The following CELF2 variants were observed in gnomAD, a reference collection of about 807,000 sequenced individuals.
The protein encoded by CELF2 is CUG triplet repeat RNA-binding protein 2.
A neutral mutation model predicts 62.6 loss-of-function variants in CELF2; 8 were observed. That is an observed-to-expected ratio of 0.13 (90% confidence interval 0.07 to 0.23). The LOEUF (loss-of-function observed/expected upper bound fraction) is 0.23, where lower values mean the gene tolerates loss of function less well. CELF2 is among the 10% of genes least tolerant of loss of function. The probability of loss-of-function intolerance (pLI) is 1.00; values close to 1 mark genes in which losing one functional copy is unlikely to be tolerated. For missense variants in CELF2, 333 were observed against 671.0 expected (o/e 0.50, Z 5.56); for synonymous variants, 258 against 250.0 (o/e 1.03, Z -0.30).
At chr10:10,545,027 A>T in the CELF2 span, among the ~76,000 whole-genome samples, 3 of 152,270 alleles carry the variant, frequency 2.0e-5, no homozygotes, top group Non-Finnish European at 4.4e-5. Context: ...ACTGTAATAC[A>T]CACCTCTCAG....
At chr10:11,209,567 C>CTTT (rs113589265) in intron 2 of CELF2, among the ~76,000 whole-genome samples, 14 of 135,040 alleles carry the variant, frequency 1.0e-4, no homozygotes, top group East Asian at 2.1e-4. Context: ...AAGGACTACT[C>CTTT]TTTTTTTTTT....
rs2062745919 is a variant in CELF2 at position 11,214,411 on chromosome 10, T to C, written c.272-3014T>C. Among the ~76,000 whole-genome samples, 1 of 152,178 alleles carries C rather than the reference T, an allele frequency of 6.6e-6. No individual in the cohort carries two copies. Among genetic ancestry groups the C allele is most frequent in the Non-Finnish European group, 1.5e-5 (1 of 68,026 alleles). Reference sequence around the variant, plus strand: ...AAGCCTCTGGGGTTAGTATTCCCAGTCTCCTTGTCTGCCCAGGACCCCACA... The same window carrying C: ...AAGCCTCTGGGGTTAGTATTCCCAGCCTCCTTGTCTGCCCAGGACCCCACA... On this transcript the variant is annotated intron_variant, in intron 2 of 12. Coordinates refer to ENST00000633077, the MANE Select transcript of CELF2 (RefSeq NM_001326342.2). The surrounding 1 kb of genome is among the most constrained non-coding windows in gnomAD (Gnocchi z 4.2).
intron 2 of CELF2, among the ~76,000 whole-genome samples, chr10:11,204,958 C>T (rs2399665): frequency 0.97 from 147,397 of 152,320 alleles, 71,495 homozygotes; most frequent in Middle Eastern, 1. Context: ...GGTTTTATTT[C>T]AAATAACAAA....
In CELF2 at chr10:11,306,155, C is replaced by T. The variant is rs556299724; in HGVS notation, c.977-7984C>T. On this transcript the variant is annotated intron_variant, in intron 9 of 12. Transcript: ENST00000633077. The surrounding 1 kb of genome is among the most constrained non-coding windows in gnomAD (Gnocchi z 4.4). ...AAGGTGAGGTGCACTTTGCAGCCTC[C>T]GTCTGGGATCCTCTTGGCTTTGTTC... is the stretch of plus-strand genomic sequence containing the variant. 1.0e-3 allele frequency among the ~76,000 whole-genome samples: 153 copies of T among 152,080 alleles called. No individual in the cohort carries two copies. Among genetic ancestry groups the T allele is most frequent in the Non-Finnish European group, 1.7e-3 (116 of 68,002 alleles).
chr10:10,627,200 A>G, the CELF2 span, among the ~76,000 whole-genome samples: 1 of 152,202 alleles, frequency 6.6e-6, no homozygotes. Context: ...ACAGGAGTTT[A>G]TATCTCAGAC....
At chr10:11,017,851 G>A, upstream of CELF2, 2 of 684,604 alleles carry the variant, frequency 2.9e-6, no homozygotes, top group Non-Finnish European at 3.6e-6. The surrounding 1 kb of genome is among the most constrained non-coding windows in gnomAD (Gnocchi z 5.5). Flanking sequence ...GTTAAGCGGC[G>A]GCGGGCGCCC....
chr10:10,482,393 C>T, the CELF2 span, among the ~76,000 whole-genome samples: 1 of 152,180 alleles, frequency 6.6e-6, no homozygotes, highest in East Asian at 1.9e-4. Flanking sequence ...GCTTTTATAG[C>T]ATTAATGTTC....
intron 1 of CELF2, among the ~76,000 whole-genome samples, chr10:10,833,423 G>A (rs1481978087): frequency 6.6e-6 from 1 of 152,198 alleles, no homozygotes; most frequent in Non-Finnish European, 1.5e-5. Context: ...GTACAGAGAA[G>A]CTGTCCAATA....
rs3841463 is a variant in CELF2 at position 11,332,920 on chromosome 10, GTCTC to G, written c.*3873_*3876del. Reference sequence around the variant, plus strand: ...CTTAATAACAACACTTATTGCACCTGTCTCTCTCTGAGAACACGGTGTGTCTCGA... The same window carrying G: ...CTTAATAACAACACTTATTGCACCTGTCTCTGAGAACACGGTGTGTCTCGA... On this transcript the variant is annotated 3_prime_UTR_variant, in exon 13 of 13. Coordinates refer to ENST00000633077, the MANE Select transcript of CELF2 (RefSeq NM_001326342.2). The G allele has an allele frequency of 2.4e-4, 37 of 152,718 alleles. No homozygotes were observed. The highest frequency in any genetic ancestry group is 6.5e-4 in the African/African-American group (27 of 41,552). The allele number at this position is 152,718 out of a possible 1,614,324, so 9.5% of individuals were successfully genotyped here. A position where few individuals can be genotyped will look rare whatever the true frequency, so the allele number is the denominator to read the frequency against.
At chr10:10,787,852 T>C in the CELF2 span, among the ~76,000 whole-genome samples, 1 of 152,174 alleles carries the variant, frequency 6.6e-6, no homozygotes, top group African/African-American at 2.4e-5. Context: ...GTCCCAGAGA[T>C]GGCATGGCAG....
the CELF2 span, among the ~76,000 whole-genome samples, chr10:10,678,309 C>G: frequency 2.0e-5 from 3 of 151,784 alleles, no homozygotes; most frequent in African/African-American, 7.3e-5. Context: ...CTTACTGTGA[C>G]CGTATTACAG....
At chr10:11,104,482 GGA>G (rs1431604108) in intron 1 of CELF2, among the ~76,000 whole-genome samples, 1 of 152,126 alleles carries the variant, frequency 6.6e-6, no homozygotes, top group African/African-American at 2.4e-5. Flanking sequence ...CATGAGGCCA[GGA>G]GCTCAAGACC....
chr10:11,313,267 T>A (rs1226315813), intron 9 of CELF2, among the ~76,000 whole-genome samples: 1 of 152,236 alleles, frequency 6.6e-6, no homozygotes, highest in Non-Finnish European at 1.5e-5. Flanking sequence ...ACCTCTTGCA[T>A]AGAAATATAC....
chr10:11,139,903 C>T (rs1309397019), intron 1 of CELF2, among the ~76,000 whole-genome samples: 1 of 151,886 alleles, frequency 6.6e-6, no homozygotes, highest in Non-Finnish European at 1.5e-5. Context: ...CTCAATTCTG[C>T]CTCTCTCATC....
intron 1 of CELF2, among the ~76,000 whole-genome samples, chr10:11,037,404 G>A (rs760693851): frequency 4.6e-5 from 7 of 152,194 alleles, no homozygotes; most frequent in East Asian, 3.8e-4. Flanking sequence ...AAACCATATC[G>A]ACCACTGTAT....
chr10:10,551,654 C>A, the CELF2 span, among the ~76,000 whole-genome samples: 4 of 152,174 alleles, frequency 2.6e-5, no homozygotes, highest in Admixed American at 1.3e-4. Flanking sequence ...CCCCACTCTG[C>A]GCATGCCCAC....
chr10:10,860,305 A>G (rs2059979299), intron 1 of CELF2, among the ~76,000 whole-genome samples: 1 of 152,156 alleles, frequency 6.6e-6, no homozygotes, highest in Admixed American at 6.5e-5. Flanking sequence ...ATTATTTGAA[A>G]ATAGTTTGAC....
At chr10:10,571,683 A>G in the CELF2 span, among the ~76,000 whole-genome samples, 1 of 152,204 alleles carries the variant, frequency 6.6e-6, no homozygotes, top group African/African-American at 2.4e-5. Flanking sequence ...AATGAGATCA[A>G]GGAAAGATTG....
At position 11,009,015 on chromosome 10, in the gene CELF2, G is replaced by T. The variant is rs551731983; in HGVS notation, c.53+3575G>T. On this transcript the variant is annotated intron_variant, in intron 1 of 12. Transcript: ENST00000416382. Reference sequence around the variant, plus strand: ...TTCCTGGGGAATTTGCGGGGGGGGGGGGGGAGCATTCCTGATTCATAAAAC... The same window carrying T: ...TTCCTGGGGAATTTGCGGGGGGGGGTGGGGAGCATTCCTGATTCATAAAAC... 2.4e-3 allele frequency among the ~76,000 whole-genome samples: 336 copies of T among 140,592 alleles called. 13 individuals are homozygous for T. Among genetic ancestry groups the T allele is most frequent in the South Asian group, 5.1e-3 (19 of 3,728 alleles). The allele number at this position is 140,592 out of a possible 152,430, so 92.2% of individuals were successfully genotyped here.
Sources: gnomAD v4.1 joint callset for allele counts (sites outside exome capture counted in the v4.1 genomes callset) on GRCh38, gnomAD v4.1.1 for gene constraint, Gnocchi (gnomAD v3.1) non-coding constraint, MANE v1.5 for transcripts, NCBI Gene and HGNC (gene_info 2026-07-23, HGNC 2026-07-21) for gene names.